The following CTNNAL1 variants were observed in gnomAD, a reference collection of about 807,000 sequenced individuals.
CTNNAL1 encodes the protein catenin alpha like 1, also known as alpha-catulin.
In CTNNAL1, 69 loss-of-function variants were observed where a neutral mutation model predicts 93.6. The ratio of observed to expected loss-of-function variants is 0.74; its 90% confidence interval spans 0.61 to 0.90. The LOEUF is 0.90. Among genes scored for constraint, CTNNAL1 ranks in the 40% least tolerant of loss-of-function variants. The pLI, the probability that CTNNAL1 is intolerant of heterozygous loss-of-function variation, is 0.00. For synonymous variants in CTNNAL1, 286 were observed against 305.4 expected (o/e 0.94, Z 0.66); for missense variants, 836 against 862.0 (o/e 0.97, Z 0.38).
intron 9 of CTNNAL1, among the ~76,000 whole-genome samples, chr9:108,970,818 G>GA (rs548573443): frequency 1.2e-3 from 175 of 147,286 alleles, no homozygotes; most frequent in Admixed American, 2.1e-3. Context: ...AGAAATTTGG[G>GA]AAAAAAAAAA....
intron 1 of CTNNAL1, among the ~76,000 whole-genome samples, chr9:109,002,037 G>A (rs192945020): frequency 1.8e-4 from 28 of 152,272 alleles, no homozygotes; most frequent in East Asian, 7.7e-4. Flanking sequence ...AACTAGAAAC[G>A]TCAAAGAAAC....
At chr9:108,994,832 G>C (rs1321286686) in intron 2 of CTNNAL1, among the ~76,000 whole-genome samples, 2 of 152,288 alleles carry the variant, frequency 1.3e-5, no homozygotes, top group Non-Finnish European at 2.9e-5. Flanking sequence ...CTCTCTCTCT[G>C]AGAGAAGCCA....
chr9:108,955,184 C>A (rs1042101635), intron 12 of CTNNAL1, among the ~76,000 whole-genome samples: 15 of 152,050 alleles, frequency 9.9e-5, no homozygotes, highest in Non-Finnish European at 2.1e-4. Flanking sequence ...CACGGTTTCA[C>A]CATGTTGGCC....
chr9:108,999,391 C>T, intron 1 of CTNNAL1, 135 bp from the exon 2 acceptor site: 1 of 750,974 alleles, frequency 1.3e-6, no homozygotes. Context: ...GATGCTTCAA[C>T]AGAGACAACC....
intron 3 of CTNNAL1, among the ~76,000 whole-genome samples, chr9:108,991,536 TA>T (rs1481663673): frequency 6.6e-6 from 1 of 150,802 alleles, no homozygotes; most frequent in African/African-American, 2.4e-5. Context: ...CGCAACAAGA[TA>T]AGTTAAAAAA....
At chr9:108,995,260 C>T (rs1410909975) in intron 2 of CTNNAL1, among the ~76,000 whole-genome samples, 3 of 152,158 alleles carry the variant, frequency 2.0e-5, no homozygotes, top group Non-Finnish European at 4.4e-5. Context: ...CAGTTTGCAT[C>T]CTATCATTAA....
chr9:108,972,953 T>A, intron 8 of CTNNAL1, 120 bp from the exon 9 acceptor site: 1 of 1,229,870 alleles, frequency 8.1e-7, no homozygotes, highest in Non-Finnish European at 1.1e-6. Flanking sequence ...TAAAAACTAT[T>A]AATAAAGAGA....
At chr9:108,965,936 G>C (rs149271462) in intron 10 of CTNNAL1, among the ~76,000 whole-genome samples, 1 of 152,284 alleles carries the variant, frequency 6.6e-6, no homozygotes, top group East Asian at 1.9e-4. Context: ...AGGAATGGTA[G>C]TGATAATAAT....
chr9:108,944,589 G>A (rs1397160124), intron 15 of CTNNAL1, among the ~76,000 whole-genome samples: 2 of 152,172 alleles, frequency 1.3e-5, no homozygotes, highest in African/African-American at 4.8e-5. Context: ...TGATGGAGAA[G>A]TAGAGTGAAA....
At chr9:108,992,530 TTCA>T in intron 3 of CTNNAL1, 99 bp downstream of exon 3, 1 of 1,385,960 alleles carries the variant, frequency 7.2e-7, no homozygotes, top group Non-Finnish European at 9.6e-7. Context: ...AGCTGCATTC[TTCA>T]TCGACACACA....
intron 4 of CTNNAL1, among the ~76,000 whole-genome samples, chr9:108,984,862 T>TTAA (rs1458013064): frequency 1.9e-4 from 29 of 152,242 alleles, no homozygotes; most frequent in African/African-American, 7.0e-4. Flanking sequence ...AGTCGATTCT[T>TTAA]TAAGGAGCCT....
rs529277668 is a variant in CTNNAL1 at position 109,001,666 on chromosome 9, A to G, written c.142-2410T>C. On this transcript the variant is annotated intron_variant, in intron 1 of 18. Coordinates refer to ENST00000325551, the MANE Select transcript of CTNNAL1 (RefSeq NM_003798.4). ...ACAAGGTAACTGAAGGTTCTGGCCAAAAGATAGTGAAGAACTGAGGCTTCA... is the reference window on the plus strand; with the variant it reads ...ACAAGGTAACTGAAGGTTCTGGCCAGAAGATAGTGAAGAACTGAGGCTTCA... Among the ~76,000 whole-genome samples, 3 of 152,346 alleles carry G rather than the reference A, an allele frequency of 2.0e-5. No individual in the cohort carries two copies. In the East Asian group the frequency reaches 5.8e-4, roughly 29 times the overall value.
rs1831536056 is a variant in CTNNAL1 at position 108,984,372 on chromosome 9, G to A, written c.704C>T (p.Thr235Ile). 6.2e-7 allele frequency: 1 copy of A among 1,610,334 alleles called. No individual in the cohort carries two copies. The highest frequency in any genetic ancestry group is 1.3e-5 in the African/African-American group (1 of 74,928). ...CTTTGAAGCTGTGAGAAGCATCATT[G>A]TACACTTTTCAAGAACTGCCCTAGC... Reference protein sequence around the residue: ...AAARAVLEKCTMMLLTASKTC... With the variant: ...AAARAVLEKCIMMLLTASKTC... The change falls in exon 5 of 19, where the codon ACA becomes ATA. Residue 235 changes from threonine to isoleucine, a missense_variant. Transcript: ENST00000325551.
At chr9:109,008,360 A>T (rs1260339382) in intron 1 of CTNNAL1, among the ~76,000 whole-genome samples, 1 of 151,814 alleles carries the variant, frequency 6.6e-6, no homozygotes, top group South Asian at 2.1e-4. Context: ...TTGGTCAGGC[A>T]GGTCTCAAAC....
intron 6 of CTNNAL1, 48 bp from the exon 7 acceptor site, chr9:108,979,529 A>C: frequency 1.9e-6 from 3 of 1,571,606 alleles, no homozygotes; most frequent in Non-Finnish European, 2.6e-6. Context: ...CAATATTCCC[A>C]CCTGACCAAA....
In CTNNAL1 at chr9:108,972,840, A is replaced by ATGTG. The variant is rs150349314; in HGVS notation, c.1189-11_1189-8dup. The ATGTG allele has an allele frequency of 9.2e-6, 4 of 436,778 alleles. No individual in the cohort carries two copies. Among genetic ancestry groups the ATGTG allele is most frequent in the South Asian group, 2.0e-5 (1 of 49,158 alleles). 27.1% of individuals were successfully genotyped at this position (436,778 alleles called of 1,614,324 possible). On this transcript the variant is annotated splice_region_variant and splice_polypyrimidine_tract_variant and intron_variant, in intron 8 of 18. Transcript: ENST00000325551. ...GTGTCGCTGTACTATGAAGCTGCAG[A>ATGTG]TGTGTGTGTGGGTGGGGGGGTGGGA...
intron 11 of CTNNAL1, chr9:108,963,660 CATCCTG>C (rs1156474358): frequency 6.6e-6 from 1 of 152,252 alleles, no homozygotes; most frequent in African/African-American, 2.4e-5. Flanking sequence ...GAAAAATAGC[CATCCTG>C]TGGCACTCCT....
chr9:109,005,694 A>G (rs1486714165), intron 1 of CTNNAL1, among the ~76,000 whole-genome samples: 1 of 152,190 alleles, frequency 6.6e-6, no homozygotes, highest in Non-Finnish European at 1.5e-5. Context: ...CACCCAGTCT[A>G]TTTTTTATAG....
At chr9:108,963,993 C>T (rs1375191420) in intron 11 of CTNNAL1, among the ~76,000 whole-genome samples, 1 of 152,158 alleles carries the variant, frequency 6.6e-6, no homozygotes, top group Non-Finnish European at 1.5e-5. Flanking sequence ...TAACCCACAC[C>T]AGGTATCTTA....
Sources: allele counts gnomAD v4.1 joint callset (sites outside exome capture counted in the v4.1 genomes callset), GRCh38; gene constraint gnomAD v4.1.1; transcripts MANE v1.5; gene names NCBI Gene and HGNC (gene_info 2026-07-23, HGNC 2026-07-21).